The following EPHA7 variants were observed in gnomAD, a reference collection of about 807,000 sequenced individuals.
EPHA7 encodes the protein EPH receptor A7.
EPHA7 carries 25 observed loss-of-function variants against 112.6 expected under a neutral mutation model. The observed-to-expected ratio is 0.22, with a 90% CI of 0.16 to 0.31. EPHA7 has a LOEUF of 0.31. Among genes scored for constraint, EPHA7 ranks in the 10% least tolerant of loss-of-function variants. EPHA7 has a pLI of 1.00. For synonymous variants in EPHA7, 437 were observed against 406.5 expected (o/e 1.07, Z -0.90); for missense variants, 962 against 1,212.6 (o/e 0.79, Z 3.07).
intron 3 of EPHA7, among the ~76,000 whole-genome samples, chr6:93,389,910 A>G (rs1029673025): frequency 6.6e-6 from 1 of 152,042 alleles, no homozygotes; most frequent in African/African-American, 2.4e-5. Flanking sequence ...TACTATCTGT[A>G]ACAAATGATT....
Position 93,410,661 on chromosome 6 carries a change from A to T in EPHA7, c.672T>A (p.Phe224Leu). The change falls in exon 3 of 17, where the codon TTT (phenylalanine) becomes TTA (leucine). Residue 224 changes from phenylalanine to leucine, a missense_variant. This residue lies in a region of EPHA7 where 160 missense variants were observed against 263.6 expected (regional missense o/e 0.61). Coordinates refer to ENST00000369303, the MANE Select transcript of EPHA7 (RefSeq NM_004440.4). This position sits in a 1 kb window ranked among gnomAD's most constrained non-coding sequence, Gnocchi z 4.0. ...IFPDTVTGSE[F>L]SSLVEVRGTC... Reference sequence around the variant, plus strand: ...TCCCTCGAACCTCGACTAAAGAGGAAAATTCTGAACCAGTCACTGTATCTG... The same window carrying T: ...TCCCTCGAACCTCGACTAAAGAGGATAATTCTGAACCAGTCACTGTATCTG... 6.2e-7 allele frequency: 1 copy of T among 1,614,044 alleles called. No individual in the cohort carries two copies.
Position 93,414,727 on chromosome 6 carries a change from C to T in EPHA7, c.138G>A (p.Glu46=), listed in dbSNP as rs753830846. 1.9e-6 allele frequency: 3 copies of T among 1,612,664 alleles called. No homozygotes were observed. Among genetic ancestry groups the T allele is most frequent in the South Asian group, 2.2e-5 (2 of 91,042 alleles). ...CCCCATTGGGTGGAGAGGAAATCCACTCCAACTCTGTTTGTTGTGCTTTAG... is the reference window on the plus strand; with the variant it reads ...CCCCATTGGGTGGAGAGGAAATCCATTCCAACTCTGTTTGTTGTGCTTTAG... ...LDSKAQQTEL[E]WISSPPNGWE... is the part of the protein sequence containing the mutation. Residue 46 remains glutamate (E), a synonymous_variant, in exon 2 of 17, where the codon GAG becomes GAA. Transcript: ENST00000369303.
chr6:93,262,439 C>T (rs1204317552), intron 9 of EPHA7, among the ~76,000 whole-genome samples: 1 of 151,178 alleles, frequency 6.6e-6, no homozygotes, highest in East Asian at 1.9e-4. Flanking sequence ...TTTTTTGAGG[C>T]TTACCCCATA....
At chr6:93,399,178 G>A (rs573443542) in intron 3 of EPHA7, among the ~76,000 whole-genome samples, 13 of 152,154 alleles carry the variant, frequency 8.5e-5, no homozygotes, top group South Asian at 6.2e-4. Context: ...TTCTGATCAC[G>A]TAAGAGGTGC....
At chr6:93,245,170 A>G in intron 16 of EPHA7, 128 bp downstream of exon 16, 1 of 876,362 alleles carries the variant, frequency 1.1e-6, no homozygotes, top group Non-Finnish European at 1.7e-6. Flanking sequence ...AGAACTTGTT[A>G]AAGAAGTATT....
intron 6 of EPHA7, among the ~76,000 whole-genome samples, 192 bp from the exon 7 acceptor site, chr6:93,269,852 A>G (rs555210319): frequency 1.5e-4 from 23 of 151,910 alleles, no homozygotes; most frequent in African/African-American, 5.3e-4. Flanking sequence ...CCTTTGTTAT[A>G]TATATTTAGG....
At chr6:93,290,632 G>A (rs1018781047) in intron 5 of EPHA7, among the ~76,000 whole-genome samples, 5 of 151,774 alleles carry the variant, frequency 3.3e-5, no homozygotes, top group Non-Finnish European at 7.4e-5. Context: ...TTAGCTTTAG[G>A]TTAATTATTC....
chr6:93,269,336 A>C, intron 7 of EPHA7, 141 bp downstream of exon 7: 1 of 592,552 alleles, frequency 1.7e-6, no homozygotes, highest in Non-Finnish European at 2.6e-6. Context: ...GAACTTTTAC[A>C]AAGTACATTT....
intron 6 of EPHA7, among the ~76,000 whole-genome samples, chr6:93,271,832 A>G (rs1582424023): frequency 6.6e-6 from 1 of 152,004 alleles, no homozygotes; most frequent in Admixed American, 6.6e-5. Flanking sequence ...GTAAGTCTGA[A>G]GAACTACATA....
chr6:93,307,788 C>G (rs1176589166), intron 5 of EPHA7, among the ~76,000 whole-genome samples: 1 of 152,148 alleles, frequency 6.6e-6, no homozygotes, highest in East Asian at 1.9e-4. Context: ...CTGTCCTCTT[C>G]ATTTTGAGGA....
intron 7 of EPHA7, among the ~76,000 whole-genome samples, chr6:93,266,356 T>C (rs1349883388): frequency 6.6e-6 from 1 of 151,644 alleles, no homozygotes; most frequent in African/African-American, 2.4e-5. Flanking sequence ...GCTCAGTTTT[T>C]CCCTTAGCTT....
chr6:93,403,065 T>A (rs1021168042), intron 3 of EPHA7, among the ~76,000 whole-genome samples: 1 of 152,098 alleles, frequency 6.6e-6, no homozygotes, highest in African/African-American at 2.4e-5. Flanking sequence ...GTCTTGTTTA[T>A]GTTTGCTAAT....
At chr6:93,259,601 T>A in intron 9 of EPHA7, 122 bp from the exon 10 acceptor site, 2 of 1,174,530 alleles carry the variant, frequency 1.7e-6, no homozygotes, top group South Asian at 1.4e-5. Flanking sequence ...ATCACCTGAT[T>A]CACAGCAGTT....
intron 5 of EPHA7, among the ~76,000 whole-genome samples, chr6:93,305,710 T>C (rs1773221124): frequency 6.6e-6 from 1 of 151,920 alleles, no homozygotes; most frequent in South Asian, 2.1e-4. Flanking sequence ...AAACCATAAG[T>C]AATTAATTTA....
rs1197299325 is a variant in EPHA7 at position 93,242,501 on chromosome 6, A to G, written c.*925T>C. 1 of 199,428 alleles carries G rather than the reference A, an allele frequency of 5.0e-6. No individual in the cohort carries two copies. The highest frequency in any genetic ancestry group is 7.8e-5 in the East Asian group (1 of 12,760). 12.4% of individuals were successfully genotyped at this position (199,428 alleles called of 1,614,324 possible). ...GATGTGCTCAGATTAATTTTTAGATAACACTGGATAGTTCTGCTTTCAGAG... is the reference window on the plus strand; with the variant it reads ...GATGTGCTCAGATTAATTTTTAGATGACACTGGATAGTTCTGCTTTCAGAG... On this transcript the variant is annotated 3_prime_UTR_variant, in exon 17 of 17. Coordinates refer to ENST00000369303, the MANE Select transcript of EPHA7 (RefSeq NM_004440.4).
At chr6:93,338,455 T>G (rs1221222540) in intron 5 of EPHA7, among the ~76,000 whole-genome samples, 1 of 152,042 alleles carries the variant, frequency 6.6e-6, no homozygotes, top group Non-Finnish European at 1.5e-5. Context: ...GATTCCTATG[T>G]CACCTCTGAA....
In EPHA7 at chr6:93,410,293, C is replaced by A; in HGVS notation, c.832+208G>T. The A allele has an allele frequency of 1.8e-6, 1 of 552,804 alleles. No homozygotes were observed. Among genetic ancestry groups the A allele is most frequent in the Non-Finnish European group, 3.2e-6 (1 of 312,644 alleles). 34.2% of individuals were successfully genotyped at this position (552,804 alleles called of 1,614,324 possible). A position where few individuals can be genotyped will look rare whatever the true frequency, so the allele number is the denominator to read the frequency against. ...CACATTAAATTTTAGTAACAAATTT[C>A]ATTATCACCTATATTGATTACATAC... On this transcript the variant is annotated intron_variant, in intron 3 of 16. Coordinates refer to ENST00000369303, the MANE Select transcript of EPHA7 (RefSeq NM_004440.4). The surrounding 1 kb of genome is among the most constrained non-coding windows in gnomAD (Gnocchi z 4.0).
At chr6:93,322,147 G>A (rs770587366) in intron 5 of EPHA7, among the ~76,000 whole-genome samples, 5 of 151,372 alleles carry the variant, frequency 3.3e-5, no homozygotes, top group Non-Finnish European at 5.9e-5. Context: ...TTATAAACAC[G>A]CAAACATGTA....
chr6:93,405,257 A>C (rs1778637544), intron 3 of EPHA7, among the ~76,000 whole-genome samples: 2 of 151,890 alleles, frequency 1.3e-5, no homozygotes, highest in Non-Finnish European at 2.9e-5. Context: ...CCTTTATAAT[A>C]TCATTGATAT....
Sources: gnomAD v4.1 joint callset for allele counts (sites outside exome capture counted in the v4.1 genomes callset) on GRCh38, gnomAD v4.1.1 for gene constraint, gnomAD v4.1.1 regional missense constraint, Gnocchi (gnomAD v3.1) non-coding constraint, MANE v1.5 for transcripts, NCBI Gene and HGNC (gene_info 2026-07-23, HGNC 2026-07-21) for gene names.